NOL4L: variants seen among roughly 807,000 people sequenced by gnomAD.
The protein encoded by NOL4L is nucleolar protein 4-like.
NOL4L carries 7 observed loss-of-function variants against 64.5 expected under a neutral mutation model. The observed-to-expected ratio is 0.11, with a 90% CI of 0.06 to 0.20. NOL4L has a LOEUF of 0.20. NOL4L is among the 10% of genes least tolerant of loss of function. NOL4L has a pLI of 1.00. For synonymous variants in NOL4L, 413 were observed against 401.0 expected (o/e 1.03, Z -0.36); for missense variants, 680 against 967.1 (o/e 0.70, Z 3.94).
chr20:32,474,547 G>A, intron 5 of NOL4L, 54 bp downstream of exon 5: 4 of 1,568,396 alleles, frequency 2.6e-6, no homozygotes, highest in Non-Finnish European at 3.5e-6. Context: ...GAGGACAACT[G>A]GGAGCAGGGG....
At chr20:32,576,828 G>A (rs760214411) in intron 1 of NOL4L, among the ~76,000 whole-genome samples, 13 of 152,246 alleles carry the variant, frequency 8.5e-5, no homozygotes, top group Non-Finnish European at 1.5e-4. Flanking sequence ...CCACAAGGCT[G>A]GGTCTGGCCA....
chr20:32,564,973 A>C (rs1979332486), intron 1 of NOL4L: 1 of 152,374 alleles, frequency 6.6e-6, no homozygotes, highest in Non-Finnish European at 1.5e-5. Context: ...CGCCTGCACG[A>C]AGCCCACCTG....
chr20:32,527,941 G>A, intron 1 of NOL4L, 28 bp from the exon 2 acceptor site: 1 of 1,544,278 alleles, frequency 6.5e-7, no homozygotes, highest in Non-Finnish European at 8.8e-7. Flanking sequence ...AGCTGTGTTA[G>A]TGTCAGGAAT....
intron 2 of NOL4L, among the ~76,000 whole-genome samples, chr20:32,522,452 G>A (rs995382923): frequency 2.0e-5 from 3 of 152,186 alleles, no homozygotes; most frequent in Non-Finnish European, 4.4e-5. Flanking sequence ...TGTCAGGTCC[G>A]AGGGATGGGG....
At chr20:32,537,201 G>A in intron 1 of NOL4L, 1 of 791,988 alleles carries the variant, frequency 1.3e-6, no homozygotes, top group Non-Finnish European at 1.5e-6. Flanking sequence ...ACCCTCCGCG[G>A]TCAGTGCCTC....
chr20:32,577,048 G>A (rs1980162961), intron 1 of NOL4L, among the ~76,000 whole-genome samples: 1 of 152,222 alleles, frequency 6.6e-6, no homozygotes, highest in Non-Finnish European at 1.5e-5. Flanking sequence ...TGTTCACTGT[G>A]GGCCTTGAGG....
chr20:32,461,858 C>T (rs947804064), intron 5 of NOL4L, among the ~76,000 whole-genome samples: 5 of 151,912 alleles, frequency 3.3e-5, no homozygotes, highest in East Asian at 2.0e-4. Flanking sequence ...TTCACAGAAG[C>T]GGCCCCAGCC....
At chr20:32,478,265 ACACACACACTCTCT>A (rs1459463982) in intron 4 of NOL4L, among the ~76,000 whole-genome samples, 29 of 127,886 alleles carry the variant, frequency 2.3e-4, no homozygotes, top group African/African-American at 6.3e-4. Flanking sequence ...ACACACACAC[ACACACACACTCTCT>A]CTCTCTCTCT....
At chr20:32,552,686 TCAAAA>T (rs199802187) in intron 1 of NOL4L, among the ~76,000 whole-genome samples, 2,644 of 151,506 alleles carry the variant, frequency 0.017, 52 homozygotes, top group African/African-American at 0.059. Flanking sequence ...AGACTCCGTC[TCAAAA>T]CAAAACAAAA....
chr20:32,544,554 T>A (rs2018706492), intron 1 of NOL4L, among the ~76,000 whole-genome samples: 1 of 151,862 alleles, frequency 6.6e-6, no homozygotes, highest in Non-Finnish European at 1.5e-5. Context: ...TTTTGAAGGA[T>A]CATTTTGGCT....
At position 32,474,176 on chromosome 20, in the gene NOL4L, C is replaced by T. The variant is rs148070734; in HGVS notation, c.841+425G>A. Among the ~76,000 whole-genome samples the T allele has an allele frequency of 2.6e-3, 391 of 152,374 alleles. 1 individual carries two copies. Among genetic ancestry groups the T allele is most frequent in the African/African-American group, 8.9e-3 (370 of 41,594 alleles). Reference sequence around the variant, plus strand: ...GCAGCTGCACTGCCTGGTCACTCACCAGGTGACCTGGGCTATAGCCTCACA... The same window carrying T: ...GCAGCTGCACTGCCTGGTCACTCACTAGGTGACCTGGGCTATAGCCTCACA... On this transcript the variant is annotated intron_variant, in intron 5 of 10. Coordinates refer to ENST00000621426, the MANE Select transcript of NOL4L (RefSeq NM_001256798.2).
chr20:32,461,523 T>G (rs184591263), intron 5 of NOL4L, among the ~76,000 whole-genome samples: 1 of 149,926 alleles, frequency 6.7e-6, no homozygotes, highest in Non-Finnish European at 1.5e-5. Context: ...CCCGGGTTCA[T>G]GCCATTCTCC....
Position 32,445,669 on chromosome 20 carries a change from G to GT in NOL4L, c.*1926dup, listed in dbSNP as rs1275579961. 3.3e-5 allele frequency: 5 copies of GT among 152,654 alleles called. No homozygotes were observed. The highest frequency in any genetic ancestry group is 3.3e-4 in the Admixed American group (5 of 15,282). The allele number at this position is 152,654 out of a possible 1,614,324, so 9.5% of individuals were successfully genotyped here. On this transcript the variant is annotated 3_prime_UTR_variant, in exon 11 of 11. Transcript: ENST00000621426. ...GGAGGTTGTGCTGTGCTAAGGGTGA[G>GT]TCTCAGGTGTCCTGGCCCTGACCAG...
intron 1 of NOL4L, 66 bp downstream of exon 1, chr20:32,584,504 C>T: frequency 2.0e-6 from 2 of 992,472 alleles, no homozygotes; most frequent in Non-Finnish European, 1.3e-6. Flanking sequence ...ACCCCCACCC[C>T]GCCCCCGCCC....
Position 32,463,768 on chromosome 20 carries a change from G to A in NOL4L, c.842-7373C>T, listed in dbSNP as rs1158630415. 6.6e-6 allele frequency among the ~76,000 whole-genome samples: 1 copy of A among 152,128 alleles called. No individual in the cohort carries two copies. On this transcript the variant is annotated intron_variant, in intron 5 of 10. Coordinates refer to ENST00000621426, the MANE Select transcript of NOL4L (RefSeq NM_001256798.2). The surrounding 1 kb of genome is among the most constrained non-coding windows in gnomAD (Gnocchi z 5.8). Reference sequence around the variant, plus strand: ...CCGCAGCCCGCACAAGCCCAGCTCTGTGCGAACCACCAATCGCCACACCGC... The same window carrying A: ...CCGCAGCCCGCACAAGCCCAGCTCTATGCGAACCACCAATCGCCACACCGC...
chr20:32,517,765 G>A (rs1194029782), intron 3 of NOL4L, among the ~76,000 whole-genome samples: 1 of 152,222 alleles, frequency 6.6e-6, no homozygotes, highest in African/African-American at 2.4e-5. Context: ...GGAGGCAGGA[G>A]GCAGGGTGAT....
chr20:32,447,926 T>C, intron 10 of NOL4L, 110 bp from the exon 11 acceptor site: 1 of 1,397,906 alleles, frequency 7.2e-7, no homozygotes, highest in East Asian at 2.5e-5. Flanking sequence ...CACTGTGAGT[T>C]GGGCACTGAA....
At chr20:32,488,868 TTTCTTTCTTTCTTTCTTTCTTTCTTTCC>T (rs2016319727) in intron 4 of NOL4L, among the ~76,000 whole-genome samples, 1 of 103,156 alleles carries the variant, frequency 9.7e-6, no homozygotes, top group East Asian at 2.6e-4. Context: ...TCTTTCTTTC[TTTCTTTCTTTCTTTCTTTCTTTCTTTCC>T]TCTCTCTTTC....
intron 1 of NOL4L, among the ~76,000 whole-genome samples, chr20:32,556,627 C>T (rs1283018583): frequency 6.6e-6 from 1 of 152,252 alleles, no homozygotes; most frequent in Non-Finnish European, 1.5e-5. Context: ...TGAATCTCAA[C>T]TCTGGCCTGG....
Sources: gnomAD v4.1 joint callset for allele counts (sites outside exome capture counted in the v4.1 genomes callset) on GRCh38, gnomAD v4.1.1 for gene constraint, Gnocchi (gnomAD v3.1) non-coding constraint, MANE v1.5 for transcripts, NCBI Gene and HGNC (gene_info 2026-07-23, HGNC 2026-07-21) for gene names.